COPG1: variants seen among roughly 807,000 people sequenced by gnomAD.
COPG1 encodes the protein coatomer subunit gamma-1.
In COPG1, 29 loss-of-function variants were observed where a neutral mutation model predicts 102.8. The ratio of observed to expected loss-of-function variants is 0.28; its 90% CI spans 0.21 to 0.38. The LOEUF is 0.38. COPG1 is among the 10% of genes least tolerant of loss of function. The pLI, the probability that COPG1 is intolerant of heterozygous loss-of-function variation, is 1.00. For missense variants in COPG1, 875 were observed against 1,132.7 expected (o/e 0.77, Z 3.27); for synonymous variants, 406 against 421.6 (o/e 0.96, Z 0.45).
chr3:129,271,955 G>A lies in COPG1; in HGVS notation c.1986+46G>A, dbSNP rs763338604. ...CCCTGCTGGGGCATGCGCCCAGGGA[G>A]TTGTCCCAGGTCTGGCAGGTCCTGT... On this transcript the variant is annotated intron_variant, in intron 19 of 23. Coordinates refer to ENST00000314797, the MANE Select transcript of COPG1 (RefSeq NM_016128.4). The surrounding 1 kb of genome is among the most constrained non-coding windows in gnomAD (Gnocchi z 4.7). 2 of 1,600,500 alleles carry A rather than the reference G, an allele frequency of 1.2e-6. No homozygotes were observed. The highest frequency in any genetic ancestry group is 1.3e-5 in the African/African-American group (1 of 74,834).
Position 129,257,816 on chromosome 3 carries a change from A to T in COPG1, c.827A>T (p.Asn276Ile). The T allele has an allele frequency of 6.2e-7, 1 of 1,614,056 alleles. No individual in the cohort carries two copies. The highest frequency in any genetic ancestry group is 8.5e-7 in the Non-Finnish European group (1 of 1,180,034). ...VVYEAASAIV[N>I]LPGCSAKELA... is the part of the protein sequence containing the mutation. The stretch of plus-strand genomic sequence containing the variant: ...TATGAAGCCGCCTCGGCCATCGTCA[A>T]TCTGCCAGGCTGCAGTGCCAAAGAG... Residue 276 changes from asparagine to isoleucine, a missense_variant, in exon 10 of 24, where the codon AAT becomes ATT. By Grantham distance (149) the Asn-to-Ile change is moderately radical. Transcript: ENST00000314797.
At chr3:129,255,203 G>T in intron 7 of COPG1, 126 bp downstream of exon 7, 1 of 648,322 alleles carries the variant, frequency 1.5e-6, no homozygotes, top group Non-Finnish European at 2.6e-6. Flanking sequence ...GATTGAGACG[G>T]AGTCTCACTC....
rs1940238621 is a variant in COPG1 at position 129,274,963 on chromosome 3, CA to C, written c.2384del (p.Lys795ArgfsTer11). On this transcript the variant is annotated frameshift_variant, in exon 22 of 24. Transcript: ENST00000314797. LOFTEE classifies it high-confidence loss of function. ...AGGAAACGTTCACCTTGTCTACCAT[CA>C]AGACACTTGAAGGTAAAATCCTGGG... ...KEETFTLSTI[K>X]TLEEAVGNIV... 1 of 1,614,050 alleles carries C rather than the reference CA, an allele frequency of 6.2e-7. No homozygotes were observed. Among genetic ancestry groups the C allele is most frequent in the Non-Finnish European group, 8.5e-7 (1 of 1,180,006 alleles).
At chr3:129,258,023 A>G (rs1282790801) in intron 10 of COPG1, among the ~76,000 whole-genome samples, 163 bp downstream of exon 10, 1 of 152,228 alleles carries the variant, frequency 6.6e-6, no homozygotes, top group African/African-American at 2.4e-5. Context: ...CCCCACTTGT[A>G]TCACGTTTTG....
intron 4 of COPG1, 88 bp downstream of exon 4, chr3:129,252,782 T>C (rs1235346743): frequency 4.6e-6 from 7 of 1,536,642 alleles, no homozygotes; most frequent in Admixed American, 1.7e-5. Flanking sequence ...CACCAGTCAG[T>C]GTGGGCTGCC....
Position 129,264,049 on chromosome 3 carries a change from T to C in COPG1, c.1224+50T>C, listed in dbSNP as rs878877144. 3 of 1,452,836 alleles carry C rather than the reference T, an allele frequency of 2.1e-6. No individual in the cohort carries two copies. In the South Asian group the frequency reaches 3.4e-5, roughly 17 times the overall value. The allele number at this position is 1,452,836 out of a possible 1,614,324, so 90.0% of individuals were successfully genotyped here. On this transcript the variant is annotated intron_variant, in intron 13 of 23. Coordinates refer to ENST00000314797, the MANE Select transcript of COPG1 (RefSeq NM_016128.4). ...ATGCCAGGTCTCCTGGTGCAGGGAG[T>C]GACCTGACCACTGGCTCCATGCTCA...
In COPG1 at chr3:129,268,602, A is replaced by G. The variant is rs199581248; in HGVS notation, c.1756A>G (p.Met586Val). Residue 586 changes from methionine to valine, a missense_variant, in exon 17 of 24, where the codon ATG becomes GTG. Met to Val is a conservative substitution (Grantham distance 21). Transcript: ENST00000314797. Reference protein sequence around the residue: ...LKSVPLATAPMAEQRTESTPI... With the variant: ...LKSVPLATAPVAEQRTESTPI... ...GTCTGTGCCCCTGGCCACGGCGCCCATGGCAGAGCAGAGAACAGGTAACAC... is the reference window on the plus strand; with the variant it reads ...GTCTGTGCCCCTGGCCACGGCGCCCGTGGCAGAGCAGAGAACAGGTAACAC... The G allele has an allele frequency of 6.2e-7, 1 of 1,614,176 alleles. No individual in the cohort carries two copies. The highest frequency in any genetic ancestry group is 2.2e-5 in the East Asian group (1 of 44,890).
At position 129,259,480 on chromosome 3, in the gene COPG1, AG is replaced by A. The variant is rs60778768; in HGVS notation, c.872-852del. ...TATCTCAAAAAAAAAAAAAAAAAAA[AG>A]AAATGGAAAAAGAACTAATGAATTC... On this transcript the variant is annotated intron_variant, in intron 10 of 23. Transcript: ENST00000314797. 7.5e-3 allele frequency among the ~76,000 whole-genome samples: 935 copies of A among 124,920 alleles called. 19 individuals carry two copies. Among genetic ancestry groups the A allele is most frequent in the African/African-American group, 0.038 (738 of 19,532 alleles). The allele number at this position is 124,920 out of a possible 152,430, so 82.0% of individuals were successfully genotyped here. A position where few individuals can be genotyped will look rare whatever the true frequency, so the allele number is the denominator to read the frequency against.
rs1435166563 is a variant in COPG1, at chr3:129,255,167, GTTTC to G, written c.492+102_492+105del. On this transcript the variant is annotated intron_variant, in intron 7 of 23. Coordinates refer to ENST00000314797, the MANE Select transcript of COPG1 (RefSeq NM_016128.4). ...ACATTCCAGTAGGAAAAAAGAAAGT[GTTTC>G]TTTCTTTCTTTTTTTTTTTTTGATT... 22 of 812,822 alleles carry G rather than the reference GTTTC, an allele frequency of 2.7e-5. No individual in the cohort carries two copies. The South Asian group carries it at 2.8e-4, about 10-fold the overall frequency. The allele number at this position is 812,822 out of a possible 1,614,324, so 50.4% of individuals were successfully genotyped here.
Position 129,264,938 on chromosome 3 carries a change from C to T in COPG1, c.1225-611C>T, listed in dbSNP as rs554145425. 3.5e-4 allele frequency among the ~76,000 whole-genome samples: 53 copies of T among 151,922 alleles called. 1 individual carries two copies. The highest frequency in any genetic ancestry group is 3.3e-3 in the Admixed American group (50 of 15,262). On this transcript the variant is annotated intron_variant, in intron 13 of 23. Transcript: ENST00000314797. ...CTGGGTTCAAGTGATTCTCCTGCCT[C>T]AGCCTCCCGAGTACCTAGGACTACA...
At chr3:129,270,943 TGTA>T (rs141658859) in intron 18 of COPG1, among the ~76,000 whole-genome samples, 2,696 of 152,288 alleles carry the variant, frequency 0.018, 76 homozygotes, top group East Asian at 0.11. Context: ...GAGATTCTGA[TGTA>T]GTAGATTTGG....
intron 8 of COPG1, 121 bp downstream of exon 8, chr3:129,256,275 C>A (rs6789225): frequency 0.019 from 14,824 of 760,648 alleles, 671 homozygotes; most frequent in South Asian, 0.093. Flanking sequence ...AGGCTTTAAT[C>A]CTTTCGTCAT....
intron 13 of COPG1, among the ~76,000 whole-genome samples, chr3:129,264,337 T>C (rs979191646): frequency 2.6e-5 from 4 of 152,226 alleles, no homozygotes; most frequent in African/African-American, 9.7e-5. Flanking sequence ...TGGTTTCTTG[T>C]GAAACCGGTG....
At chr3:129,259,403 G>A (rs1343751677) in intron 10 of COPG1, among the ~76,000 whole-genome samples, 1 of 150,430 alleles carries the variant, frequency 6.6e-6, no homozygotes, top group Non-Finnish European at 1.5e-5. Flanking sequence ...GGAGGTTGCA[G>A]TGAGCCGAGA....
At chr3:129,252,585 T>C in intron 3 of COPG1, 38 bp from the exon 4 acceptor site, 1 of 1,562,960 alleles carries the variant, frequency 6.4e-7, no homozygotes, top group South Asian at 1.1e-5. Context: ...TGTCTGACCC[T>C]CTGTCCCAAG....
chr3:129,252,561 C>G, intron 3 of COPG1, 62 bp from the exon 4 acceptor site: 2 of 1,404,830 alleles, frequency 1.4e-6, no homozygotes, highest in South Asian at 2.3e-5. Context: ...GTGGGCTGAT[C>G]CTGAAAGAAC....
In COPG1 at chr3:129,267,906, C is replaced by T. The variant is rs751353957; in HGVS notation, c.1545-31C>T. ...CCCTCCTGCCATCCCTGCTGGGTCC[C>T]AGTCAGGACCACCTTGTGTCCTGGC... On this transcript the variant is annotated intron_variant, in intron 15 of 23. Coordinates refer to ENST00000314797, the MANE Select transcript of COPG1 (RefSeq NM_016128.4). The T allele has an allele frequency of 5.7e-6, 9 of 1,574,676 alleles. No homozygotes were observed. In the East Asian group the frequency reaches 2.0e-4, roughly 35 times the overall value.
At position 129,257,557 on chromosome 3, in the gene COPG1, C is replaced by T; in HGVS notation, c.667C>T (p.Leu223Phe). ...GATCAGCAAGGTCACACGGCATGGC[C>T]TTAAGTCTCCCTTTGCCTACTGCAT... ...KMISKVTRHG[L>F]KSPFAYCMMI... Residue 223 changes from leucine to phenylalanine, a missense_variant, in exon 9 of 24, where the codon CTT becomes TTT. Coordinates refer to ENST00000314797, the MANE Select transcript of COPG1 (RefSeq NM_016128.4). 6.2e-7 allele frequency: 1 copy of T among 1,614,212 alleles called. No individual in the cohort carries two copies. Among genetic ancestry groups the T allele is most frequent in the African/African-American group, 1.3e-5 (1 of 75,048 alleles).
intron 14 of COPG1, among the ~76,000 whole-genome samples, chr3:129,266,682 T>A (rs941135317): frequency 2.6e-5 from 4 of 152,202 alleles, no homozygotes; most frequent in African/African-American, 9.7e-5. Flanking sequence ...AACTGCAAAT[T>A]GACGCCATTT....
Sources: allele counts gnomAD v4.1 joint callset (sites outside exome capture counted in the v4.1 genomes callset), GRCh38; gene constraint gnomAD v4.1.1; non-coding constraint Gnocchi (gnomAD v3.1); transcripts MANE v1.5; gene names NCBI Gene and HGNC (gene_info 2026-07-23, HGNC 2026-07-21).